Variants in COL19A1 observed in about 807,000 individuals in gnomAD.
COL19A1 encodes collagen type XIX alpha 1 chain.
Under a neutral mutation model 190.2 loss-of-function variants are expected in COL19A1, and 159 were observed. That is an observed-to-expected ratio of 0.84 (90% confidence interval 0.73 to 0.95). The LOEUF (loss-of-function observed/expected upper bound fraction) is 0.95. COL19A1 is among the 40% of genes least tolerant of loss of function. COL19A1 has a pLI of 0.00. For missense variants in COL19A1, 1,418 were observed against 1,431.9 expected (o/e 0.99, Z 0.16); for synonymous variants, 509 against 458.9 (o/e 1.11, Z -1.39).
At chr6:70,070,945 G>A (rs528278390) in intron 15 of COL19A1, among the ~76,000 whole-genome samples, 2 of 152,108 alleles carry the variant, frequency 1.3e-5, no homozygotes, top group Non-Finnish European at 2.9e-5. Context: ...TTGAGTGGTT[G>A]ACCAAGAAGG....
intron 4 of COL19A1, among the ~76,000 whole-genome samples, chr6:69,921,092 ACATAT>A (rs1299261511): frequency 8.3e-6 from 1 of 121,190 alleles, no homozygotes; most frequent in Non-Finnish European, 1.6e-5. Flanking sequence ...ATATTCATAG[ACATAT>A]CATATATTCA....
rs1222026922 is a variant in COL19A1 at position 70,023,614 on chromosome 6, T to A, written c.1027-13T>A. The A allele has an allele frequency of 1.2e-6, 2 of 1,600,292 alleles. No homozygotes were observed. Among genetic ancestry groups the A allele is most frequent in the African/African-American group, 2.7e-5 (2 of 73,628 alleles). On this transcript the variant is annotated splice_polypyrimidine_tract_variant and intron_variant, in intron 11 of 50. Coordinates refer to ENST00000620364, the MANE Select transcript of COL19A1 (RefSeq NM_001858.6). ...ATATAAGATTTTTCATTGTATAAAT[T>A]GTTTCTTTTTAGGGTGAACAAGGAG...
chr6:70,121,164 C>T (rs1314388269), intron 16 of COL19A1, among the ~76,000 whole-genome samples: 1 of 152,072 alleles, frequency 6.6e-6, no homozygotes, highest in African/African-American at 2.4e-5. Flanking sequence ...TAATGCTAAT[C>T]TTTGTGTTTT....
At chr6:69,904,969 G>A (rs1016415407) in intron 4 of COL19A1, among the ~76,000 whole-genome samples, 14 of 152,068 alleles carry the variant, frequency 9.2e-5, no homozygotes, top group Non-Finnish European at 1.5e-4. Context: ...TCGGTGCTGC[G>A]TGCTTCCAGC....
chr6:70,112,729 T>A (rs1468453072), intron 16 of COL19A1, among the ~76,000 whole-genome samples: 2 of 152,210 alleles, frequency 1.3e-5, no homozygotes, highest in African/African-American at 4.8e-5. Context: ...GCATTCACTG[T>A]CACAGTCTCA....
chr6:70,112,585 A>ATTGTGTAAATAATTACACAAT (rs1784344856), intron 16 of COL19A1, among the ~76,000 whole-genome samples: 1 of 152,102 alleles, frequency 6.6e-6, no homozygotes. Flanking sequence ...AATTAGGTTG[A>ATTGTGTAAATAATTACACAAT]TATCTGGGGA....
chr6:70,073,568 C>T (rs1274943886), intron 15 of COL19A1, among the ~76,000 whole-genome samples: 3 of 152,080 alleles, frequency 2.0e-5, no homozygotes, highest in Non-Finnish European at 4.4e-5. Flanking sequence ...GATAAAATGA[C>T]TTTTTTCACT....
At chr6:70,073,659 C>T (rs180901202) in intron 15 of COL19A1, among the ~76,000 whole-genome samples, 35 of 152,134 alleles carry the variant, frequency 2.3e-4, no homozygotes, top group South Asian at 2.1e-4. Flanking sequence ...TTCTAATGCC[C>T]CAGAAGCTTG....
intron 17 of COL19A1, among the ~76,000 whole-genome samples, chr6:70,123,383 T>C (rs958589441): frequency 2.6e-5 from 4 of 151,814 alleles, no homozygotes; most frequent in African/African-American, 4.8e-5. Flanking sequence ...GTTCAACCAT[T>C]GTGGAAGTCA....
intron 11 of COL19A1, among the ~76,000 whole-genome samples, chr6:69,985,005 A>G (rs2150068770): frequency 6.6e-6 from 1 of 152,298 alleles, no homozygotes; most frequent in African/African-American, 2.4e-5. Context: ...TGAAGAAAAA[A>G]CATTAGGTTT....
At chr6:70,199,952 A>AAACCAAATGAG (rs1478666473) in intron 49 of COL19A1, 5 of 458,068 alleles carry the variant, frequency 1.1e-5, no homozygotes, top group Non-Finnish European at 1.6e-5. Context: ...TTCAAATTTA[A>AAACCAAATGAG]AACCAAATGA....
Position 70,058,451 on chromosome 6 carries a change from C to T in COL19A1, c.1171-9972C>T, listed in dbSNP as rs144357317. Among the ~76,000 whole-genome samples, 12 of 152,156 alleles carry T rather than the reference C, an allele frequency of 7.9e-5. 1 individual carries two copies. Among genetic ancestry groups the T allele is most frequent in the African/African-American group, 2.9e-4 (12 of 41,562 alleles). ...TCACGAGATTTTCTTTCTAGCACAG[C>T]TCTTCCTATTCTCTCTTATCAGTGC... On this transcript the variant is annotated intron_variant, in intron 14 of 50. Coordinates refer to ENST00000620364, the MANE Select transcript of COL19A1 (RefSeq NM_001858.6).
intron 11 of COL19A1, among the ~76,000 whole-genome samples, chr6:69,991,215 G>C (rs1237993897): frequency 1.3e-5 from 2 of 151,956 alleles, no homozygotes; most frequent in East Asian, 3.9e-4. Flanking sequence ...TGCTGCAAAG[G>C]GCATGATCTC....
At chr6:70,058,799 C>A (rs1416197700) in intron 14 of COL19A1, among the ~76,000 whole-genome samples, 2 of 151,580 alleles carry the variant, frequency 1.3e-5, no homozygotes, top group South Asian at 2.1e-4. Flanking sequence ...AAAATTATGG[C>A]ACTAATAGAG....
chr6:69,930,835 A>T (rs1489864382), intron 6 of COL19A1, among the ~76,000 whole-genome samples: 1 of 152,114 alleles, frequency 6.6e-6, no homozygotes, highest in Non-Finnish European at 1.5e-5. Flanking sequence ...AAAAGAATTG[A>T]TCCCACAATT....
intron 15 of COL19A1, among the ~76,000 whole-genome samples, chr6:70,101,155 T>C (rs1432863008): frequency 1.3e-5 from 2 of 151,340 alleles, no homozygotes; most frequent in Admixed American, 6.6e-5. Flanking sequence ...CTTTACTTTA[T>C]AAGTATCAAT....
intron 25 of COL19A1, among the ~76,000 whole-genome samples, chr6:70,145,454 A>G (rs1411117026): frequency 6.6e-6 from 1 of 152,168 alleles, no homozygotes; most frequent in Non-Finnish European, 1.5e-5. Context: ...GTCCTCACTT[A>G]TAAGTGGGAG....
intron 34 of COL19A1, among the ~76,000 whole-genome samples, chr6:70,159,153 A>C (rs1183235812): frequency 6.6e-6 from 1 of 151,964 alleles, no homozygotes; most frequent in Non-Finnish European, 1.5e-5. Context: ...GTAGCAAAAA[A>C]AAAAAAGGAA....
At chr6:70,205,402 G>A (rs1176373494) in intron 49 of COL19A1, among the ~76,000 whole-genome samples, 1 of 152,132 alleles carries the variant, frequency 6.6e-6, no homozygotes, top group Admixed American at 6.5e-5. Flanking sequence ...TGTTCATAGG[G>A]AGCATTACAT....
Sources: gnomAD v4.1 joint callset for allele counts (sites outside exome capture counted in the v4.1 genomes callset) on GRCh38, gnomAD v4.1.1 for gene constraint, MANE v1.5 for transcripts, NCBI Gene and HGNC (gene_info 2026-07-23, HGNC 2026-07-21) for gene names.